Variants in MYO18A observed in about 807,000 individuals in gnomAD.
MYO18A encodes the protein myosin XVIIIA.
In MYO18A, 78 loss-of-function variants were observed where a neutral mutation model predicts 235.8. The ratio of observed to expected loss-of-function variants is 0.33; its 90% CI spans 0.28 to 0.40. The LOEUF is 0.40. Ranked by LOEUF, MYO18A falls within the 10% of genes least tolerant of loss-of-function variation. MYO18A has a pLI of 1.00. For synonymous variants in MYO18A, 977 were observed against 1,077.8 expected, an observed-to-expected ratio of 0.91 and a Z score of 1.83; for missense variants, 2,215 against 2,699.3, an observed-to-expected ratio of 0.82 and a Z score of 3.98.
intron 41 of MYO18A, chr17:29,079,835 C>G (rs949986909): frequency 2.5e-5 from 25 of 986,008 alleles, no homozygotes; most frequent in Non-Finnish European, 2.9e-5. Flanking sequence ...TGCCCAGTTT[C>G]TTCACTTTCT....
At chr17:29,097,935 T>C (rs2066561109) in intron 25 of MYO18A, 36 bp from the exon 26 acceptor site, 1 of 1,592,752 alleles carries the variant, frequency 6.3e-7, no homozygotes, top group African/African-American at 1.3e-5. Context: ...TGCCATTCCA[T>C]CCCCTCATAC....
intron 1 of MYO18A, chr17:29,176,431 AAG>A (rs2068529286): frequency 6.6e-6 from 1 of 152,180 alleles, no homozygotes; most frequent in African/African-American, 2.4e-5. Context: ...TTAGAGTCCC[AAG>A]ACAAGGGTGC....
rs1254024909 is a variant in MYO18A at position 29,090,615 on chromosome 17, C to T, written c.5305G>A (p.Ala1769Thr). ...MKKHKAAVAQ[A>T]SRDLAQINDL... ...TTTATCTGAGCCAGGTCCCGGGAAGCCTGGGAAAGGAATGAGAGCATCAGA... is the reference window on the plus strand; with the variant it reads ...TTTATCTGAGCCAGGTCCCGGGAAGTCTGGGAAAGGAATGAGAGCATCAGA... The change falls in exon 36 of 42, where the codon GCT becomes ACT. Residue 1769 changes from alanine (A) to threonine (T), a missense_variant and splice_region_variant. Coordinates refer to ENST00000527372, the MANE Select transcript of MYO18A (RefSeq NM_078471.4). 1.3e-6 allele frequency: 2 copies of T among 1,597,394 alleles called. No individual in the cohort carries two copies. The highest frequency in any genetic ancestry group is 1.7e-5 in the Admixed American group (1 of 57,312).
intron 2 of MYO18A, chr17:29,131,425 T>C (rs1452152480): frequency 4.1e-6 from 4 of 985,760 alleles, no homozygotes; most frequent in Non-Finnish European, 4.8e-6. Flanking sequence ...TTGGCAGAGT[T>C]TTGTCCTCCT....
In MYO18A at chr17:29,090,907, C is replaced by T. The variant is rs115455253; in HGVS notation, c.5207G>A (p.Arg1736His). Residue 1736 changes from arginine to histidine, a missense_variant, in exon 35 of 42, where the codon CGC becomes CAC. Arg to His is a conservative substitution (Grantham distance 29). Coordinates refer to ENST00000527372, the MANE Select transcript of MYO18A (RefSeq NM_078471.4). ...GATCTCATTCTTCTCACGCTGAAGG[C>T]GGCTCAGCTGCTCCTCCAGCTGGAG... ...AKTALEEQLS[R>H]LQREKNEIQN... The T allele has an allele frequency of 2.2e-4, 356 of 1,613,916 alleles. No individual in the cohort carries two copies. In the African/African-American group the frequency reaches 4.1e-3, roughly 18 times the overall value.
chr17:29,130,858 C>T (rs1159267729), intron 2 of MYO18A, among the ~76,000 whole-genome samples: 3 of 152,098 alleles, frequency 2.0e-5, no homozygotes, highest in Non-Finnish European at 2.9e-5. Context: ...GTAGCTGGAG[C>T]CTGCCTCCAG....
intron 1 of MYO18A, 88 bp from the exon 2 acceptor site, chr17:29,167,109 T>C: frequency 2.2e-6 from 2 of 900,808 alleles, no homozygotes; most frequent in Non-Finnish European, 3.2e-6. Context: ...ATACAGCTAC[T>C]CCTCACTGGG....
At chr17:29,081,313 A>G (rs1568036434) in intron 41 of MYO18A, among the ~76,000 whole-genome samples, 2 of 152,178 alleles carry the variant, frequency 1.3e-5, no homozygotes, top group Admixed American at 6.5e-5. Context: ...TTCATTGTCA[A>G]CTACCTGGAG....
chr17:29,125,344 G>A lies in MYO18A; in HGVS notation c.1000-3091C>T, dbSNP rs1313222537. On this transcript the variant is annotated intron_variant, in intron 2 of 41. Transcript: ENST00000527372. This position sits in a 1 kb window ranked among gnomAD's most constrained non-coding sequence, Gnocchi z 5.1. Reference sequence around the variant, plus strand: ...CCCACCTCTGCCAGCCAGGCACACCGACCCCATCTAGATCCAACCTGGGGA... The same window carrying A: ...CCCACCTCTGCCAGCCAGGCACACCAACCCCATCTAGATCCAACCTGGGGA... Among the ~76,000 whole-genome samples, 1 of 152,118 alleles carries A rather than the reference G, an allele frequency of 6.6e-6. No individual in the cohort carries two copies. Among genetic ancestry groups the A allele is most frequent in the East Asian group, 1.9e-4 (1 of 5,186 alleles).
At position 29,110,096 on chromosome 17, in the gene MYO18A, G is replaced by C. The variant is rs2066891801; in HGVS notation, c.3093C>G (p.Ala1031=). ...TTGACTTCTTGATGGTGTCGATGAGGGCGTCCTGCCGAGGGGAAGAGACTG... is the reference window on the plus strand; with the variant it reads ...TTGACTTCTTGATGGTGTCGATGAGCGCGTCCTGCCGAGGGGAAGAGACTG... The part of the protein sequence containing the change: ...LCIQMKLQVD[A]LIDTIKKSKL... The change falls in exon 19 of 42, where the codon GCC becomes GCG. Residue 1031 remains alanine (A), a synonymous_variant. Transcript: ENST00000527372. The C allele has an allele frequency of 6.2e-7, 1 of 1,609,850 alleles. No homozygotes were observed. Among genetic ancestry groups the C allele is most frequent in the Non-Finnish European group, 8.5e-7 (1 of 1,179,438 alleles).
At chr17:29,154,121 T>TGTGTGTGTGTGC (rs142430455) in intron 2 of MYO18A, among the ~76,000 whole-genome samples, 2 of 149,000 alleles carry the variant, frequency 1.3e-5, no homozygotes, top group African/African-American at 2.5e-5. Context: ...TGTGTGTGTG[T>TGTGTGTGTGTGC]GCGCGCGCGT....
rs1301251006 is a variant in MYO18A, at chr17:29,122,257, T to C, written c.1000-4A>G. On this transcript the variant is annotated splice_region_variant and splice_polypyrimidine_tract_variant and intron_variant, in intron 2 of 41. Transcript: ENST00000527372. Reference sequence around the variant, plus strand: ...CAATCTGTTCTTCTGTTTTCGCCTGTCAGAGAGAGAGAAGAATAAACAGGC... The same window carrying C: ...CAATCTGTTCTTCTGTTTTCGCCTGCCAGAGAGAGAGAAGAATAAACAGGC... 6.2e-7 allele frequency: 1 copy of C among 1,609,616 alleles called. No individual in the cohort carries two copies. Among genetic ancestry groups the C allele is most frequent in the South Asian group, 1.1e-5 (1 of 90,048 alleles).
chr17:29,168,909 C>T (rs2152981281), intron 1 of MYO18A, among the ~76,000 whole-genome samples: 1 of 152,296 alleles, frequency 6.6e-6, no homozygotes, highest in South Asian at 2.1e-4. Flanking sequence ...ACCACTCATG[C>T]CTATAATCCC....
Position 29,111,746 on chromosome 17 carries a change from C to G in MYO18A, c.2716G>C (p.Gly906Arg), listed in dbSNP as rs763515878. ...TLLERLFSYY[G>R]PQEGDKKGQS... Reference sequence around the variant, plus strand: ...CCTTTTTTGTCACCTTCCTGGGGGCCATAATAGGAGAAAAGGCGCTCCAGG... The same window carrying G: ...CCTTTTTTGTCACCTTCCTGGGGGCGATAATAGGAGAAAAGGCGCTCCAGG... Residue 906 changes from glycine to arginine, a missense_variant, in exon 16 of 42, where the codon GGC becomes CGC. Transcript: ENST00000527372. This position sits in a 1 kb window ranked among gnomAD's most constrained non-coding sequence, Gnocchi z 5.1. 1 of 1,613,716 alleles carries G rather than the reference C, an allele frequency of 6.2e-7. No individual in the cohort carries two copies. The highest frequency in any genetic ancestry group is 8.5e-7 in the Non-Finnish European group (1 of 1,179,770).
At chr17:29,154,661 G>A (rs1598385331) in intron 2 of MYO18A, among the ~76,000 whole-genome samples, 1 of 152,186 alleles carries the variant, frequency 6.6e-6, no homozygotes, top group East Asian at 1.9e-4. Context: ...TGTCCTTTAG[G>A]GAACCTAGGT....
rs764524404 is a variant in MYO18A, at chr17:29,073,826, T to C, written c.*944A>G. The stretch of plus-strand genomic sequence containing the variant: ...TAATGAGCACCGGCCAAAACTTCCA[T>C]CTTCAGTTTTTCTGATCACAAGTCC... On this transcript the variant is annotated 3_prime_UTR_variant, in exon 42 of 42. Transcript: ENST00000527372. 3.2e-6 allele frequency: 5 copies of C among 1,561,224 alleles called. No individual in the cohort carries two copies. The Admixed American group carries it at 7.0e-5, about 22-fold the overall frequency.
Position 29,080,353 on chromosome 17 carries a change from C to G in MYO18A, c.6020+1963G>C, listed in dbSNP as rs1009873871. On this transcript the variant is annotated intron_variant, in intron 41 of 41. Transcript: ENST00000527372. ...AGGCTCATCCACTGCCGAGGCAGAGCTGCGTGGCCGGGGTGGCACCGACAG... is the reference window on the plus strand; with the variant it reads ...AGGCTCATCCACTGCCGAGGCAGAGGTGCGTGGCCGGGGTGGCACCGACAG... The G allele has an allele frequency of 7.1e-6, 7 of 986,110 alleles. No homozygotes were observed. The African/African-American group carries it at 1.2e-4, about 17-fold the overall frequency. 61.1% of individuals were successfully genotyped at this position (986,110 alleles called of 1,614,324 possible).
intron 2 of MYO18A, chr17:29,131,469 G>C: frequency 1.0e-6 from 1 of 982,868 alleles, no homozygotes; most frequent in East Asian, 1.1e-4. Context: ...AGAAGTCACT[G>C]GCAGGTCAAG....
At chr17:29,141,108 C>T (rs1051780099) in intron 2 of MYO18A, among the ~76,000 whole-genome samples, 1 of 152,252 alleles carries the variant, frequency 6.6e-6, no homozygotes, top group Non-Finnish European at 1.5e-5. Context: ...GTTTACATCC[C>T]TCTCCCCTCC....
Sources: gnomAD v4.1 joint callset for allele counts (sites outside exome capture counted in the v4.1 genomes callset) on GRCh38, gnomAD v4.1.1 for gene constraint, Gnocchi (gnomAD v3.1) non-coding constraint, MANE v1.5 for transcripts, NCBI Gene and HGNC (gene_info 2026-07-23, HGNC 2026-07-21) for gene names.